Variants in PRKCH observed in about 807,000 individuals in gnomAD.
The protein encoded by PRKCH is protein kinase C eta type.
A neutral mutation model predicts 82.5 loss-of-function variants in PRKCH; 28 were observed. The observed-to-expected ratio is 0.34, with a 90% confidence interval of 0.25 to 0.47. The LOEUF is 0.47. Ranked by LOEUF, PRKCH falls within the 20% of genes least tolerant of loss-of-function variation. The pLI, the probability that PRKCH is intolerant of heterozygous loss-of-function variation, is 1.00. For synonymous variants in PRKCH, 322 were observed against 327.4 expected (o/e 0.98, Z 0.18); for missense variants, 705 against 881.8 (o/e 0.80, Z 2.54).
At chr14:61,320,025 G>A (rs145053824), upstream of PRKCH, among the ~76,000 whole-genome samples, 32 of 152,232 alleles carry the variant, frequency 2.1e-4, 1 homozygote, top group East Asian at 5.0e-3. Context: ...GAGGAGTGGG[G>A]GCTAGAAAGA....
intron 1 of PRKCH, among the ~76,000 whole-genome samples, chr14:61,329,966 T>C (rs986062063): frequency 2.6e-5 from 4 of 152,218 alleles, no homozygotes; most frequent in Admixed American, 2.0e-4. Context: ...TACATGTTTC[T>C]ATTTGAAATG....
At chr14:61,417,845 G>C (rs1021331366) in intron 2 of PRKCH, among the ~76,000 whole-genome samples, 4 of 152,194 alleles carry the variant, frequency 2.6e-5, no homozygotes, top group Admixed American at 2.6e-4. Context: ...AAGTGTGTTT[G>C]TGTTTGCAGT....
intron 1 of PRKCH, among the ~76,000 whole-genome samples, chr14:61,324,670 G>A (rs550015445): frequency 7.9e-5 from 12 of 152,192 alleles, no homozygotes; most frequent in African/African-American, 2.9e-4. Flanking sequence ...TGTTGACCAG[G>A]CTGGTCTTGA....
intron 1 of PRKCH, among the ~76,000 whole-genome samples, chr14:61,210,790 C>CTCTGTCTCTGTG (rs1351869252): frequency 7.2e-6 from 1 of 138,986 alleles, no homozygotes; most frequent in Non-Finnish European, 1.5e-5. Context: ...CTCTCTCTCT[C>CTCTGTCTCTGTG]TGTGTGTGTG....
At chr14:61,249,017 G>A (rs2044914807) in intron 1 of PRKCH, among the ~76,000 whole-genome samples, 1 of 152,062 alleles carries the variant, frequency 6.6e-6, no homozygotes, top group Non-Finnish European at 1.5e-5. Context: ...TACCTGGCTG[G>A]TCTGAAACTC....
At chr14:61,228,336 A>G (rs1022834094) in intron 1 of PRKCH, among the ~76,000 whole-genome samples, 1 of 152,212 alleles carries the variant, frequency 6.6e-6, no homozygotes, top group Non-Finnish European at 1.5e-5. Flanking sequence ...ATTAACAACA[A>G]GGGCTTAATG....
intron 1 of PRKCH, among the ~76,000 whole-genome samples, chr14:61,240,132 T>C (rs1156614667): frequency 1.3e-5 from 2 of 151,362 alleles, no homozygotes; most frequent in Non-Finnish European, 3.0e-5. Flanking sequence ...ACACCGTGGG[T>C]CCTTTGTCTC....
intron 1 of PRKCH, among the ~76,000 whole-genome samples, chr14:61,337,383 A>C (rs2045873411): frequency 1.3e-5 from 2 of 152,072 alleles, no homozygotes. Flanking sequence ...AGAAAATATG[A>C]AGTACTTTTT....
At chr14:61,328,109 G>A (rs1205742307) in intron 1 of PRKCH, among the ~76,000 whole-genome samples, 1 of 151,588 alleles carries the variant, frequency 6.6e-6, no homozygotes, top group African/African-American at 2.4e-5. Context: ...AATTAGCCGG[G>A]CGCGGTGGCG....
At chr14:61,437,638 G>C (rs1383783017) in intron 2 of PRKCH, among the ~76,000 whole-genome samples, 26 of 152,170 alleles carry the variant, frequency 1.7e-4, no homozygotes. Context: ...AGGGATACCA[G>C]GAGACCTGGT....
At chr14:61,464,032 G>C (rs1885146503) in intron 9 of PRKCH, among the ~76,000 whole-genome samples, 1 of 152,226 alleles carries the variant, frequency 6.6e-6, no homozygotes, top group East Asian at 1.9e-4. Context: ...GTGAACATGA[G>C]AGTGCAGGCA....
chr14:61,548,861 CA>C (rs11424840), intron 13 of PRKCH, among the ~76,000 whole-genome samples: 2,276 of 128,746 alleles, frequency 0.018, 46 homozygotes, highest in African/African-American at 0.062. Context: ...GACTTTGTCT[CA>C]AAAAAAAAAA....
chr14:61,525,540 G>T (rs1166962771), intron 10 of PRKCH: 1 of 152,230 alleles, frequency 6.6e-6, no homozygotes, highest in African/African-American at 2.4e-5. Context: ...AGAGCTGATT[G>T]TAATAGTTGA....
intron 1 of PRKCH, among the ~76,000 whole-genome samples, chr14:61,251,796 C>T (rs1412389316): frequency 2.0e-5 from 3 of 151,658 alleles, no homozygotes; most frequent in Non-Finnish European, 4.4e-5. Flanking sequence ...GTAAAGTGGT[C>T]GTACTAATTA....
chr14:61,420,745 A>G (rs1173733572), intron 2 of PRKCH, among the ~76,000 whole-genome samples: 1 of 152,218 alleles, frequency 6.6e-6, no homozygotes, highest in Non-Finnish European at 1.5e-5. Context: ...GCAGATCTCC[A>G]GCCCTTCTAA....
chr14:61,391,321 C>T (rs1411099846), intron 2 of PRKCH, 33 bp downstream of exon 2: 1 of 1,540,614 alleles, frequency 6.5e-7, no homozygotes, highest in Non-Finnish European at 8.9e-7. Context: ...TTCCAGAATA[C>T]ATGTAATCTT....
chr14:61,450,695 A>G, intron 5 of PRKCH, 147 bp from the exon 6 acceptor site: 1 of 857,910 alleles, frequency 1.2e-6, no homozygotes, highest in Non-Finnish European at 1.7e-6. Context: ...AGACCTGAGT[A>G]ATTAATCAGG....
At chr14:61,515,778 G>A (rs1468441582) in intron 10 of PRKCH, among the ~76,000 whole-genome samples, 1 of 152,116 alleles carries the variant, frequency 6.6e-6, no homozygotes. Flanking sequence ...TAGAATTTAC[G>A]AAGCTTGTTT....
At chr14:61,500,437 A>G (rs778156861) in intron 10 of PRKCH, among the ~76,000 whole-genome samples, 1 of 151,906 alleles carries the variant, frequency 6.6e-6, no homozygotes, top group South Asian at 2.1e-4. Context: ...GGCTCAAGCA[A>G]CCCTCCCACT....
Sources: gnomAD v4.1 joint callset for allele counts (sites outside exome capture counted in the v4.1 genomes callset) on GRCh38, gnomAD v4.1.1 for gene constraint, MANE v1.5 for transcripts, NCBI Gene and HGNC (gene_info 2026-07-23, HGNC 2026-07-21) for gene names.